Variants in EPB41 observed in about 807,000 individuals in gnomAD.
The protein encoded by EPB41 is erythrocyte membrane protein band 4.1.
EPB41 carries 65 observed loss-of-function variants against 108.0 expected under a neutral mutation model. That is an observed-to-expected ratio of 0.60 (90% CI 0.49 to 0.74). The LOEUF (loss-of-function observed/expected upper bound fraction) is 0.74, where lower values mean the gene tolerates loss of function less well. EPB41 is among the 30% of genes least tolerant of loss of function. The probability of loss-of-function intolerance (pLI) is 0.00; values close to 1 mark genes in which losing one functional copy is unlikely to be tolerated. For synonymous variants in EPB41, 336 were observed against 358.9 expected (o/e 0.94, Z 0.72); for missense variants, 875 against 1,037.0 (o/e 0.84, Z 2.15).
chr1:29,072,613 G>A (rs370569897), intron 16 of EPB41: 7 of 152,072 alleles, frequency 4.6e-5, no homozygotes, highest in African/African-American at 1.4e-4. Flanking sequence ...AAGAGTCCTC[G>A]GAGATCTTTA....
At position 28,930,338 on chromosome 1, in the gene EPB41, T is replaced by A. The variant is rs77801892; in HGVS notation, c.-8+15570T>A. On this transcript the variant is annotated intron_variant, in intron 1 of 20. Transcript: ENST00000343067. ...CACCAGCTAATTAAAAAAAAAAAAA[T>A]TTTTTTTTTTATAGAAACGGGGTCT... Among the ~76,000 whole-genome samples the A allele has an allele frequency of 5.5e-3, 805 of 145,160 alleles. 7 individuals are homozygous for A. The highest frequency in any genetic ancestry group is 0.018 in the Middle Eastern group (5 of 280).
At chr1:28,913,949 A>G (rs1408410782), upstream of EPB41, among the ~76,000 whole-genome samples, 2 of 152,216 alleles carry the variant, frequency 1.3e-5, no homozygotes, top group Non-Finnish European at 2.9e-5. Flanking sequence ...GACAGGTTCA[A>G]TCTTGGCGTG....
chr1:29,067,313 C>T (rs527903463), intron 16 of EPB41, among the ~76,000 whole-genome samples: 6 of 151,590 alleles, frequency 4.0e-5, no homozygotes, highest in East Asian at 2.0e-4. Context: ...CTAGCTAACA[C>T]GGTGAAACCC....
chr1:28,923,147 C>T (rs1259548620), intron 1 of EPB41, among the ~76,000 whole-genome samples: 11 of 118,632 alleles, frequency 9.3e-5, no homozygotes, highest in Admixed American at 3.3e-4. Context: ...GAGTCTCACT[C>T]TGTCACCCAG....
intron 1 of EPB41, among the ~76,000 whole-genome samples, chr1:28,925,266 C>G (rs1391357555): frequency 1.3e-5 from 2 of 151,926 alleles, no homozygotes; most frequent in East Asian, 3.9e-4. Flanking sequence ...CCTGGCCATT[C>G]TGGCTAATTT....
Position 29,101,889 on chromosome 1 carries a change from G to A in EPB41, c.2313+3954G>A, listed in dbSNP as rs1199048337. 2.0e-5 allele frequency among the ~76,000 whole-genome samples: 3 copies of A among 152,104 alleles called. No individual in the cohort carries two copies. The South Asian group carries it at 6.2e-4, about 31-fold the overall frequency. ...CACTCCAGCCTGGGGAACAGAGTGAGGACCTGTATCAAAAAAACAAAATAA... is the reference window on the plus strand; with the variant it reads ...CACTCCAGCCTGGGGAACAGAGTGAAGACCTGTATCAAAAAAACAAAATAA... On this transcript the variant is annotated intron_variant, in intron 17 of 20. Transcript: ENST00000343067.
intron 17 of EPB41, among the ~76,000 whole-genome samples, chr1:29,107,985 C>T (rs1201410421): frequency 1.4e-5 from 2 of 143,244 alleles, no homozygotes; most frequent in Non-Finnish European, 3.0e-5. Context: ...GCTGAGATCA[C>T]GCCACTACTC....
chr1:29,000,218 C>T (rs1255890045), intron 4 of EPB41, among the ~76,000 whole-genome samples: 2 of 152,198 alleles, frequency 1.3e-5, no homozygotes, highest in East Asian at 1.9e-4. Context: ...CCTGCCTCAG[C>T]CTCCCAAGTA....
In EPB41 at chr1:29,015,745, C is replaced by G. The variant is rs531853845; in HGVS notation, c.883C>G (p.Gln295Glu). The G allele has an allele frequency of 7.5e-6, 12 of 1,605,086 alleles. No homozygotes were observed. The highest frequency in any genetic ancestry group is 6.7e-5 in the East Asian group (3 of 44,770). ...NVKFYPPDPAQLTEDITRYYL... is the reference protein window; with the variant it reads ...NVKFYPPDPAELTEDITRYYL... ...AAAGTTTTATCCACCTGACCCAGCA[C>G]AGTTAACAGAAGACATAACAAGGTA... is the stretch of plus-strand genomic sequence containing the variant. The change falls in exon 6 of 21, where the codon CAG becomes GAG. Residue 295 changes from glutamine (Q) to glutamate (E), a missense_variant. Coordinates refer to ENST00000343067, the MANE Select transcript of EPB41 (RefSeq NM_001376013.1).
chr1:29,012,701 T>G (rs1321474890), intron 5 of EPB41, among the ~76,000 whole-genome samples: 1 of 152,234 alleles, frequency 6.6e-6, no homozygotes, highest in Non-Finnish European at 1.5e-5. Context: ...GAAAACAAAC[T>G]TTACTTTTCA....
chr1:29,089,424 AAGAT>A (rs778766286), intron 16 of EPB41, among the ~76,000 whole-genome samples: 9 of 152,240 alleles, frequency 5.9e-5, no homozygotes, highest in African/African-American at 7.2e-5. Context: ...CTGTACAAGA[AAGAT>A]AGAGAGCTAA....
intron 16 of EPB41, among the ~76,000 whole-genome samples, chr1:29,067,624 G>A (rs969599275): frequency 5.5e-5 from 8 of 145,578 alleles, no homozygotes; most frequent in Non-Finnish European, 8.9e-5. Flanking sequence ...CCGAGATCGC[G>A]CCACTGCACT....
chr1:29,022,372 TAAAAAAA>T (rs370103452), intron 7 of EPB41, among the ~76,000 whole-genome samples: 1 of 111,544 alleles, frequency 9.0e-6, no homozygotes, highest in African/African-American at 3.2e-5. Flanking sequence ...ATTGATATAA[TAAAAAAA>T]AAAAAAAAAA....
intron 16 of EPB41, among the ~76,000 whole-genome samples, chr1:29,075,750 AC>A (rs1653784460): frequency 6.6e-6 from 1 of 152,208 alleles, no homozygotes; most frequent in South Asian, 2.1e-4. Context: ...TAACATGGCC[AC>A]CATTCATTTT....
intron 17 of EPB41, among the ~76,000 whole-genome samples, chr1:29,107,361 G>T (rs1376008159): frequency 6.6e-6 from 1 of 152,078 alleles, no homozygotes; most frequent in East Asian, 1.9e-4. Context: ...ACCCATTAGA[G>T]TCTTGGACAA....
At chr1:28,936,037 C>T (rs2094009733) in intron 1 of EPB41, among the ~76,000 whole-genome samples, 1 of 152,110 alleles carries the variant, frequency 6.6e-6, no homozygotes, top group African/African-American at 2.4e-5. Context: ...TCTCTCATAT[C>T]CTTCTTACGC....
In EPB41 at chr1:28,997,083, T is replaced by C. The variant is rs12354050; in HGVS notation, c.682-132T>C. 0.08 allele frequency: 58,227 copies of C among 723,728 alleles called. 3,144 individuals carry two copies. Among genetic ancestry groups the C allele is most frequent in the African/African-American group, 0.21 (12,104 of 57,208 alleles). 44.8% of individuals were successfully genotyped at this position (723,728 alleles called of 1,614,324 possible). On this transcript the variant is annotated intron_variant, in intron 3 of 20. Transcript: ENST00000343067. ...GGGAAGATCACTTGAGCCCAGGAGG[T>C]TGAGGCTGCAGTGAGCTATGATCAG...
chr1:28,891,449 C>T (rs371622064), intron 1 of EPB41, among the ~76,000 whole-genome samples: 43 of 152,270 alleles, frequency 2.8e-4, no homozygotes, highest in African/African-American at 9.6e-4. Context: ...AGGGAAAACC[C>T]GGAGAACAAA....
intron 1 of EPB41, among the ~76,000 whole-genome samples, chr1:28,937,153 C>T (rs1047100490): frequency 5.3e-5 from 8 of 152,116 alleles, no homozygotes; most frequent in Non-Finnish European, 7.4e-5. Flanking sequence ...ATTGCATTTC[C>T]GTAATGACTA....
Sources: gnomAD v4.1 joint callset for allele counts (sites outside exome capture counted in the v4.1 genomes callset) on GRCh38, gnomAD v4.1.1 for gene constraint, MANE v1.5 for transcripts, NCBI Gene and HGNC (gene_info 2026-07-23, HGNC 2026-07-21) for gene names.